Variants in PTPRN2 observed in about 807,000 individuals in gnomAD.
PTPRN2 encodes the protein protein tyrosine phosphatase receptor type N2.
A neutral mutation model predicts 118.8 loss-of-function variants in PTPRN2; 74 were observed. The ratio of observed to expected loss-of-function variants is 0.62; its 90% CI spans 0.52 to 0.76. The LOEUF (loss-of-function observed/expected upper bound fraction) is 0.76. Among genes scored for constraint, PTPRN2 ranks in the 30% least tolerant of loss-of-function variants. The pLI, the probability that PTPRN2 is intolerant of heterozygous loss-of-function variation, is 0.00. For missense variants in PTPRN2, 1,481 were observed against 1,394.4 expected, an observed-to-expected ratio of 1.06 and a Z score of -0.99; for synonymous variants, 641 against 608.0, an observed-to-expected ratio of 1.05 and a Z score of -0.80.
intron 12 of PTPRN2, among the ~76,000 whole-genome samples, chr7:157,788,747 G>A (rs1237528621): frequency 2.6e-5 from 4 of 152,150 alleles, no homozygotes; most frequent in African/African-American, 7.2e-5. Flanking sequence ...ACTGCCACGC[G>A]GGAGGCCTCG....
At chr7:158,184,678 G>T (rs536778550) in intron 5 of PTPRN2, among the ~76,000 whole-genome samples, 1 of 152,236 alleles carries the variant, frequency 6.6e-6, no homozygotes, top group African/African-American at 2.4e-5. Context: ...CGGGCATGGT[G>T]GTGGGTGCCT....
chr7:157,746,534 T>G (rs1800952243), intron 12 of PTPRN2, among the ~76,000 whole-genome samples: 1 of 135,612 alleles, frequency 7.4e-6, no homozygotes. Context: ...CTGAGTGTGA[T>G]CACGGGACTC....
In PTPRN2 at chr7:158,422,448, G is replaced by A. The variant is rs191804158; in HGVS notation, c.163+67287C>T. Among the ~76,000 whole-genome samples, 6 of 152,326 alleles carry A rather than the reference G, an allele frequency of 3.9e-5. No individual in the cohort carries two copies. In the East Asian group the frequency reaches 1.2e-3, roughly 29 times the overall value. ...ATTGAGCCGGAAAACTCTGAATGCT[G>A]CCAGATTCTCATTTCAGATGCACAC... is the stretch of plus-strand genomic sequence containing the variant. On this transcript the variant is annotated intron_variant, in intron 2 of 22. Transcript: ENST00000389418.
chr7:158,070,903 T>C (rs1811321672), intron 11 of PTPRN2, among the ~76,000 whole-genome samples: 1 of 119,252 alleles, frequency 8.4e-6, no homozygotes, highest in South Asian at 3.1e-4. Flanking sequence ...CCCATGGTAG[T>C]GGAGGTGCCC....
At chr7:157,659,540 C>T (rs1400128019) in intron 13 of PTPRN2, among the ~76,000 whole-genome samples, 1 of 151,490 alleles carries the variant, frequency 6.6e-6, no homozygotes, top group Admixed American at 6.6e-5. Context: ...TACCAAGGGC[C>T]TCTGGTGAGG....
At chr7:158,484,274 C>A (rs1021643144) in intron 2 of PTPRN2, among the ~76,000 whole-genome samples, 1 of 152,116 alleles carries the variant, frequency 6.6e-6, no homozygotes, top group Admixed American at 6.5e-5. Context: ...ACTTCCCATG[C>A]CCCCAACACT....
At chr7:158,087,156 C>T (rs1157433453) in intron 10 of PTPRN2, among the ~76,000 whole-genome samples, 1 of 152,208 alleles carries the variant, frequency 6.6e-6, no homozygotes, top group Non-Finnish European at 1.5e-5. Context: ...GTCTGCTCCT[C>T]CTCCAAATTC....
rs1222323686 is a variant in PTPRN2 at position 157,622,728 on chromosome 7, A to G, written c.2197-1219T>C. Among the ~76,000 whole-genome samples the G allele has an allele frequency of 2.6e-5, 4 of 152,116 alleles. No homozygotes were observed. Among genetic ancestry groups the G allele is most frequent in the Non-Finnish European group, 1.5e-5 (1 of 68,016 alleles). On this transcript the variant is annotated intron_variant, in intron 14 of 22. Transcript: ENST00000389418. This position sits in a 1 kb window ranked among gnomAD's most constrained non-coding sequence, Gnocchi z 5.3. ...TGGGTGGGTGTGGTGGTGAGGGACAATCGCCTGGCTCAGGGTGGGCACTCT... is the reference window on the plus strand; with the variant it reads ...TGGGTGGGTGTGGTGGTGAGGGACAGTCGCCTGGCTCAGGGTGGGCACTCT...
intron 1 of PTPRN2, among the ~76,000 whole-genome samples, chr7:158,556,484 C>T (rs914002369): frequency 7.3e-5 from 11 of 149,950 alleles, no homozygotes; most frequent in Non-Finnish European, 1.6e-4. Flanking sequence ...AACTGGGAGG[C>T]GGAAGTTGCA....
At chr7:158,366,051 C>G (rs1182184044) in intron 2 of PTPRN2, among the ~76,000 whole-genome samples, 1 of 141,434 alleles carries the variant, frequency 7.1e-6, no homozygotes, top group Non-Finnish European at 1.5e-5. Context: ...TCCCTAGAAG[C>G]TGCAGCCCAA....
chr7:158,095,281 G>A (rs997069395), intron 10 of PTPRN2, among the ~76,000 whole-genome samples: 5 of 150,520 alleles, frequency 3.3e-5, no homozygotes, highest in East Asian at 1.9e-4. Context: ...TAGTATTGAC[G>A]GTGTAGGTCA....
chr7:157,787,083 G>A lies in PTPRN2; in HGVS notation c.1789-104146C>T, dbSNP rs1284909548. ...GGCGGACGCGGGTGCGGCGGGGGAC[G>A]CGGGGGTGGCTGCCCGGGAGGCGGA... is the stretch of plus-strand genomic sequence containing the variant. On this transcript the variant is annotated intron_variant, in intron 12 of 22. Transcript: ENST00000389418. The surrounding 1 kb of genome is among the most constrained non-coding windows in gnomAD (Gnocchi z 5.3). Among the ~76,000 whole-genome samples, 1 of 141,648 alleles carries A rather than the reference G, an allele frequency of 7.1e-6. No homozygotes were observed. The highest frequency in any genetic ancestry group is 2.0e-4 in the East Asian group (1 of 4,912). The allele number at this position is 141,648 out of a possible 152,430, so 92.9% of individuals were successfully genotyped here. A position where few individuals can be genotyped will look rare whatever the true frequency, so the allele number is the denominator to read the frequency against.
intron 22 of PTPRN2, among the ~76,000 whole-genome samples, chr7:157,541,957 G>A (rs1173608123): frequency 1.3e-5 from 2 of 152,182 alleles, no homozygotes; most frequent in Non-Finnish European, 2.9e-5. Context: ...GTGGCCACGC[G>A]GCCTCTTAGT....
chr7:158,184,563 A>G (rs1023665059), intron 5 of PTPRN2, among the ~76,000 whole-genome samples: 60 of 152,202 alleles, frequency 3.9e-4, no homozygotes, highest in African/African-American at 1.3e-3. Flanking sequence ...TGCACTGGCT[A>G]AGATCTTCAA....
In PTPRN2 at chr7:157,785,388, G is replaced by GC. The variant is rs1563106233; in HGVS notation, c.1789-102452dup. 6.6e-6 allele frequency among the ~76,000 whole-genome samples: 1 copy of GC among 152,150 alleles called. No homozygotes were observed. The highest frequency in any genetic ancestry group is 2.4e-5 in the African/African-American group (1 of 41,448). The stretch of plus-strand genomic sequence containing the variant: ...GACCACGGTGCTCCAAAACGAAATC[G>GC]CCCCCGAGGATGAAAGGGGGTGGTG... On this transcript the variant is annotated intron_variant, in intron 12 of 22. Transcript: ENST00000389418. The surrounding 1 kb of genome is among the most constrained non-coding windows in gnomAD (Gnocchi z 7.3).
chr7:158,571,899 G>A lies in PTPRN2; in HGVS notation c.112+15659C>T, dbSNP rs116707413. 2.9e-3 allele frequency among the ~76,000 whole-genome samples: 440 copies of A among 152,214 alleles called. 3 individuals are homozygous for A. The highest frequency in any genetic ancestry group is 9.6e-3 in the African/African-American group (399 of 41,504). On this transcript the variant is annotated intron_variant, in intron 1 of 22. Coordinates refer to ENST00000389418, the MANE Select transcript of PTPRN2 (RefSeq NM_002847.5). ...ACGTGGAGATGAATAAGAACTTCCC[G>A]AGCCAAGAACAGTATATACAACATG... is the stretch of plus-strand genomic sequence containing the variant.
intron 5 of PTPRN2, among the ~76,000 whole-genome samples, chr7:158,175,151 T>C (rs6947178): frequency 0.9 from 136,769 of 152,256 alleles, 61,640 homozygotes; most frequent in African/African-American, 0.97. Flanking sequence ...AAGCCCAAGT[T>C]GGGACATCTT....
At position 157,775,545 on chromosome 7, in the gene PTPRN2, G is replaced by A. The variant is rs193208517; in HGVS notation, c.1789-92608C>T. ...GAGGAGAGGAGCGTGGAGCACGCCC[G>A]GGGCACATGGGGACACAGCAGCGCT... On this transcript the variant is annotated intron_variant, in intron 12 of 22. Coordinates refer to ENST00000389418, the MANE Select transcript of PTPRN2 (RefSeq NM_002847.5). 2.2e-4 allele frequency among the ~76,000 whole-genome samples: 33 copies of A among 152,352 alleles called. No homozygotes were observed. The East Asian group carries it at 3.7e-3, about 17-fold the overall frequency.
In PTPRN2 at chr7:158,526,991, A is replaced by G. The variant is rs925559474; in HGVS notation, c.113-37206T>C. Among the ~76,000 whole-genome samples, 1 of 152,150 alleles carries G rather than the reference A, an allele frequency of 6.6e-6. No individual in the cohort carries two copies. The highest frequency in any genetic ancestry group is 2.4e-5 in the African/African-American group (1 of 41,418). On this transcript the variant is annotated intron_variant, in intron 1 of 22. Transcript: ENST00000389418. This position sits in a 1 kb window ranked among gnomAD's most constrained non-coding sequence, Gnocchi z 5.2. ...GAGTTGGTGACCTCCTCAAACCTTC[A>G]TAAAGGCATAACTTGTAACAACACA...
Sources: gnomAD v4.1 joint callset for allele counts (sites outside exome capture counted in the v4.1 genomes callset) on GRCh38, gnomAD v4.1.1 for gene constraint, Gnocchi (gnomAD v3.1) non-coding constraint, MANE v1.5 for transcripts, NCBI Gene and HGNC (gene_info 2026-07-23, HGNC 2026-07-21) for gene names.